NPAS3: variants seen among roughly 807,000 people sequenced by gnomAD.
The protein encoded by NPAS3 is neuronal PAS domain protein 3, also known as neuronal PAS domain-containing protein 3.
A neutral mutation model predicts 73.1 loss-of-function variants in NPAS3; 14 were observed. That is an observed-to-expected ratio of 0.19 (90% CI 0.13 to 0.30). The LOEUF (loss-of-function observed/expected upper bound fraction) is 0.30, where lower values mean the gene tolerates loss of function less well. Ranked by LOEUF, NPAS3 falls within the 10% of genes least tolerant of loss-of-function variation. NPAS3 has a pLI of 1.00. For missense variants in NPAS3, 1,096 were observed against 1,250.0 expected (o/e 0.88, Z 1.86); for synonymous variants, 620 against 541.5 (o/e 1.14, Z -2.01).
intron 3 of NPAS3, among the ~76,000 whole-genome samples, chr14:33,237,533 A>G (rs1030421890): frequency 1.3e-5 from 2 of 152,092 alleles, no homozygotes; most frequent in Non-Finnish European, 2.9e-5. Flanking sequence ...AAACAGCAGT[A>G]ATTATAAAAC....
intron 5 of NPAS3, among the ~76,000 whole-genome samples, chr14:33,572,609 GT>G (rs374392392): frequency 1.3e-4 from 20 of 152,276 alleles, no homozygotes; most frequent in East Asian, 9.7e-4. Flanking sequence ...AGCACTCATT[GT>G]TAACCAGGAA....
At chr14:33,780,225 C>G (rs888707455) in intron 9 of NPAS3, among the ~76,000 whole-genome samples, 3 of 152,192 alleles carry the variant, frequency 2.0e-5, no homozygotes, top group African/African-American at 7.2e-5. Context: ...ATTTAGGGAA[C>G]ACACTTGTTG....
intron 5 of NPAS3, among the ~76,000 whole-genome samples, chr14:33,666,556 GA>G (rs1350304710): frequency 6.6e-6 from 1 of 152,198 alleles, no homozygotes; most frequent in East Asian, 1.9e-4. Flanking sequence ...GCATTTTAAG[GA>G]AATCCTAAAG....
intron 1 of NPAS3, among the ~76,000 whole-genome samples, chr14:32,955,867 A>G (rs2036651644): frequency 1.3e-5 from 2 of 152,180 alleles, no homozygotes; most frequent in Non-Finnish European, 2.9e-5. Flanking sequence ...GCATTTTTCA[A>G]TATGTATTTT....
At chr14:33,545,022 T>G (rs2054776503) in intron 4 of NPAS3, among the ~76,000 whole-genome samples, 1 of 151,374 alleles carries the variant, frequency 6.6e-6, no homozygotes. Context: ...TCTGCCCAAG[T>G]GTCCCACCCT....
In NPAS3 at chr14:33,147,730, A is replaced by AATATATATAT. The variant is rs10674790; in HGVS notation, c.141-67436_141-67427dup. Among the ~76,000 whole-genome samples, 989 of 130,290 alleles carry AATATATATAT rather than the reference A, an allele frequency of 7.6e-3. 10 individuals are homozygous for AATATATATAT. Among genetic ancestry groups the AATATATATAT allele is most frequent in the African/African-American group, 0.023 (725 of 30,854 alleles). The allele number at this position is 130,290 out of a possible 152,430, so 85.5% of individuals were successfully genotyped here. A position where few individuals can be genotyped will look rare whatever the true frequency, so the allele number is the denominator to read the frequency against. ...CCCTAGAACTTAAAGTAGAATAAAA[A>AATATATATAT]ATATATATATATATATATATATATA... On this transcript the variant is annotated intron_variant, in intron 2 of 11. Coordinates refer to ENST00000356141, the Ensembl canonical transcript of NPAS3.
chr14:33,210,948 T>C (rs1274871362), intron 2 of NPAS3, among the ~76,000 whole-genome samples: 1 of 152,142 alleles, frequency 6.6e-6, no homozygotes, highest in East Asian at 1.9e-4. Context: ...AACCAAGGAA[T>C]AGGAATTATA....
At chr14:33,500,280 G>A (rs890228353) in intron 4 of NPAS3, among the ~76,000 whole-genome samples, 1 of 151,896 alleles carries the variant, frequency 6.6e-6, no homozygotes, top group Admixed American at 6.6e-5. Context: ...ATCCCAAGAA[G>A]TGGCATTTTT....
intron 5 of NPAS3, among the ~76,000 whole-genome samples, chr14:33,570,510 T>TA (rs1390950868): frequency 2.6e-5 from 4 of 152,016 alleles, no homozygotes; most frequent in African/African-American, 4.8e-5. Flanking sequence ...GAAATAATAA[T>TA]AAAAAAACCC....
At chr14:33,540,673 A>T (rs927760477) in intron 4 of NPAS3, among the ~76,000 whole-genome samples, 1 of 152,192 alleles carries the variant, frequency 6.6e-6, no homozygotes, top group Admixed American at 6.6e-5. Context: ...AGGGGGAAAA[A>T]TGGGGTCTCT....
At chr14:33,082,400 C>A (rs1252936375) in intron 2 of NPAS3, among the ~76,000 whole-genome samples, 2 of 152,172 alleles carry the variant, frequency 1.3e-5, no homozygotes, top group Non-Finnish European at 2.9e-5. Flanking sequence ...AGACGTTTTG[C>A]AAATTTGATT....
At chr14:33,506,349 T>C (rs2052761026) in intron 4 of NPAS3, among the ~76,000 whole-genome samples, 1 of 151,636 alleles carries the variant, frequency 6.6e-6, no homozygotes, top group South Asian at 2.1e-4. Flanking sequence ...TAAAGGTATA[T>C]AAATATATGA....
chr14:33,069,265 C>A (rs2041396013), intron 2 of NPAS3, among the ~76,000 whole-genome samples: 1 of 152,156 alleles, frequency 6.6e-6, no homozygotes, highest in Non-Finnish European at 1.5e-5. Context: ...AAATAAGTAC[C>A]TTTCCCTCGT....
intron 6 of NPAS3, among the ~76,000 whole-genome samples, chr14:33,714,027 T>A (rs1474098971): frequency 6.6e-6 from 1 of 152,118 alleles, no homozygotes; most frequent in Non-Finnish European, 1.5e-5. Flanking sequence ...TTCCTTCAAG[T>A]CTGTAATCAG....
intron 2 of NPAS3, among the ~76,000 whole-genome samples, chr14:33,182,107 A>G (rs1179057674): frequency 2.0e-5 from 3 of 152,240 alleles, no homozygotes; most frequent in African/African-American, 7.2e-5. Flanking sequence ...AGAGCAGTCA[A>G]TAGGTAATCA....
At chr14:33,289,982 A>T (rs2042034938) in intron 3 of NPAS3, among the ~76,000 whole-genome samples, 1 of 152,050 alleles carries the variant, frequency 6.6e-6, no homozygotes, top group Non-Finnish European at 1.5e-5. Context: ...TGTCTTTTGT[A>T]CTTCTGACCA....
chr14:33,635,128 C>T lies in NPAS3; in HGVS notation c.559-41083C>T, dbSNP rs959130466. On this transcript the variant is annotated intron_variant, in intron 5 of 11. Transcript: ENST00000356141. The stretch of plus-strand genomic sequence containing the variant: ...AAATATGGACAGAGAAGAAAGGAAA[C>T]AGAAGGGCGTACATTGTGCCATTTA... Among the ~76,000 whole-genome samples the T allele has an allele frequency of 3.3e-5, 5 of 152,268 alleles. No individual in the cohort carries two copies. The South Asian group carries it at 1.0e-3, about 32-fold the overall frequency.
At chr14:33,746,439 G>A (rs187426010) in intron 7 of NPAS3, among the ~76,000 whole-genome samples, 5 of 150,882 alleles carry the variant, frequency 3.3e-5, no homozygotes, top group East Asian at 2.0e-4. Context: ...CGCCCACCTC[G>A]GCCTCCCAAA....
chr14:32,979,628 G>A (rs2037819802), intron 1 of NPAS3, among the ~76,000 whole-genome samples: 1 of 152,118 alleles, frequency 6.6e-6, no homozygotes, highest in Non-Finnish European at 1.5e-5. Context: ...CTTTCTTTGG[G>A]CCTGAGGGCT....
Sources: gnomAD v4.1 joint callset for allele counts (sites outside exome capture counted in the v4.1 genomes callset) on GRCh38, gnomAD v4.1.1 for gene constraint, MANE v1.5 for transcripts, NCBI Gene and HGNC (gene_info 2026-07-23, HGNC 2026-07-21) for gene names.